GTF2IRD2: variants seen among roughly 807,000 people sequenced by gnomAD.
The protein encoded by GTF2IRD2 is general transcription factor II-I repeat domain-containing protein 2A.
Under a neutral mutation model 49.2 loss-of-function variants are expected in GTF2IRD2, and 8 were observed. The observed-to-expected ratio is 0.16, with a 90% CI of 0.10 to 0.29. The LOEUF (loss-of-function observed/expected upper bound fraction) is 0.29, where lower values mean the gene tolerates loss of function less well. Among genes scored for constraint, GTF2IRD2 ranks in the 10% least tolerant of loss-of-function variants. The probability of loss-of-function intolerance (pLI) is 1.00; values close to 1 mark genes in which losing one functional copy is unlikely to be tolerated. For missense variants in GTF2IRD2, 130 were observed against 725.7 expected (o/e 0.18, Z 9.43); for synonymous variants, 47 against 289.7 (o/e 0.16, Z 8.51).
intron 6 of GTF2IRD2, chr7:74,822,118 C>G (rs1322879951): frequency 1.7e-5 from 5 of 293,192 alleles, no homozygotes; most frequent in African/African-American, 1.3e-4. Context: ...GCGATCTCCG[C>G]TCACTGCAAG....
At chr7:74,821,985 A>C in intron 6 of GTF2IRD2, 1 of 292,150 alleles carries the variant, frequency 3.4e-6, no homozygotes, top group Non-Finnish European at 6.6e-6. Context: ...CATGTGTGCC[A>C]CAATGGCTTG....
intron 1 of GTF2IRD2, among the ~76,000 whole-genome samples, chr7:74,841,708 T>C (rs1440135937): frequency 7.0e-6 from 1 of 143,596 alleles, no homozygotes; most frequent in Admixed American, 6.9e-5. Context: ...TCACATATTA[T>C]GTAATTCCAT....
At chr7:74,832,663 A>G in intron 3 of GTF2IRD2, 142 bp downstream of exon 3, 1 of 1,529,858 alleles carries the variant, frequency 6.5e-7, no homozygotes, top group Non-Finnish European at 9.0e-7. Context: ...AGCAGTGTTT[A>G]TTTGGTAAGC....
At chr7:74,800,179 A>G (rs1255537544) in intron 15 of GTF2IRD2, among the ~76,000 whole-genome samples, 1 of 137,270 alleles carries the variant, frequency 7.3e-6, no homozygotes, top group Non-Finnish European at 1.6e-5. Flanking sequence ...ATAAAAATGG[A>G]GCATTTTAAT....
chr7:74,830,200 CAAA>C (rs782359912), intron 3 of GTF2IRD2, among the ~76,000 whole-genome samples: 1 of 16,540 alleles, frequency 6.0e-5, no homozygotes, highest in Non-Finnish European at 1.7e-4. Flanking sequence ...AACCCTGTCT[CAAA>C]AAAAAAAAAA....
rs1447282269 is a variant in GTF2IRD2, at chr7:74,819,568, GGTTCA to G, written c.651_655del (p.Glu218HisfsTer23). 1.7e-6 allele frequency: 1 copy of G among 585,094 alleles called. No individual in the cohort carries two copies. The highest frequency in any genetic ancestry group is 3.0e-6 in the Non-Finnish European group (1 of 328,372). 36.2% of individuals were successfully genotyped at this position (585,094 alleles called of 1,614,324 possible). On this transcript the variant is annotated frameshift_variant, in exon 8 of 16. Coordinates refer to ENST00000451013, the MANE Select transcript of GTF2IRD2 (RefSeq NM_173537.5). LOFTEE classifies it high-confidence loss of function. ...TTGGTACCCACCAGAATCTTCCATG[GGTTCA>G]GTTTTCACATTGATGGGGCCGCAGC...
At chr7:74,830,200 C>CAAA (rs782359912) in intron 3 of GTF2IRD2, among the ~76,000 whole-genome samples, 51 of 16,438 alleles carry the variant, frequency 3.1e-3, no homozygotes, top group East Asian at 6.6e-3. Flanking sequence ...AACCCTGTCT[C>CAAA]AAAAAAAAAA....
chr7:74,806,297 GATTATT>G (rs587746220), intron 12 of GTF2IRD2, among the ~76,000 whole-genome samples: 2 of 135,232 alleles, frequency 1.5e-5, no homozygotes, highest in African/African-American at 5.4e-5. Flanking sequence ...CAGAAAAGAA[GATTATT>G]ATTATTATTA....
At chr7:74,815,866 G>GAAAGAAAGAAAGAA (rs1328337117) in intron 8 of GTF2IRD2, among the ~76,000 whole-genome samples, 3 of 83,430 alleles carry the variant, frequency 3.6e-5, no homozygotes, top group African/African-American at 1.5e-4. Context: ...AAGAAAGAAA[G>GAAAGAAAGAAAGAA]AGAAAATAAA....
intron 1 of GTF2IRD2, among the ~76,000 whole-genome samples, chr7:74,842,110 T>C (rs1800885790): frequency 2.2e-5 from 1 of 44,666 alleles, no homozygotes; most frequent in Non-Finnish European, 3.8e-5. Context: ...GGCAACAGAG[T>C]GAGACTCCGT....
rs1246167998 is a variant in GTF2IRD2, at chr7:74,841,219, G to A, written c.-5-4836C>T. On this transcript the variant is annotated intron_variant, in intron 1 of 15. Coordinates refer to ENST00000451013, the MANE Select transcript of GTF2IRD2 (RefSeq NM_173537.5). ...GTCTCACTCTGTTGCCCAGGCTGGA[G>A]TGAAATGGCATGATCTTGGCTCACT... Among the ~76,000 whole-genome samples, 2 of 123,442 alleles carry A rather than the reference G, an allele frequency of 1.6e-5. 1 individual carries two copies. Among genetic ancestry groups the A allele is most frequent in the Non-Finnish European group, 3.2e-5 (2 of 61,862 alleles). The allele number at this position is 123,442 out of a possible 152,430, so 81.0% of individuals were successfully genotyped here.
At position 74,841,774 on chromosome 7, in the gene GTF2IRD2, T is replaced by C. The variant is rs1173444830; in HGVS notation, c.-5-5391A>G. 1.4e-5 allele frequency among the ~76,000 whole-genome samples: 2 copies of C among 143,238 alleles called. 1 individual carries two copies. The highest frequency in any genetic ancestry group is 5.6e-5 in the African/African-American group (2 of 35,842). 94.0% of individuals were successfully genotyped at this position (143,238 alleles called of 152,430 possible). On this transcript the variant is annotated intron_variant, in intron 1 of 15. Transcript: ENST00000451013. Reference sequence around the variant, plus strand: ...ATAGGAACTGAAAATAGATTAGTGGTTATTTCAGGTTGATAGCTAAAGGGT... The same window carrying C: ...ATAGGAACTGAAAATAGATTAGTGGCTATTTCAGGTTGATAGCTAAAGGGT...
intron 15 of GTF2IRD2, among the ~76,000 whole-genome samples, chr7:74,798,533 G>T (rs1361776893): frequency 6.6e-6 from 1 of 151,534 alleles, no homozygotes. Context: ...TGTTGAGACG[G>T]AGTTTTGCTC....
chr7:74,811,609 G>A (rs868959092), intron 9 of GTF2IRD2, among the ~76,000 whole-genome samples: 13 of 81,664 alleles, frequency 1.6e-4, no homozygotes, highest in Admixed American at 3.4e-4. Flanking sequence ...GTGCAGTGGT[G>A]TGATCACAGC....
In GTF2IRD2 at chr7:74,796,431, G is replaced by A. The variant is rs1207844149; in HGVS notation, c.*231C>T. ...ACAAAAATTAGCCAGGCATGGTGGCGCACGCCTGTAGTCCCAGCTGCTCGG... is the reference window on the plus strand; with the variant it reads ...ACAAAAATTAGCCAGGCATGGTGGCACACGCCTGTAGTCCCAGCTGCTCGG... On this transcript the variant is annotated 3_prime_UTR_variant, in exon 16 of 16. Coordinates refer to ENST00000451013, the MANE Select transcript of GTF2IRD2 (RefSeq NM_173537.5). The A allele has an allele frequency of 1.9e-5, 10 of 513,746 alleles. No individual in the cohort carries two copies. The highest frequency in any genetic ancestry group is 7.7e-5 in the African/African-American group (4 of 51,802). 31.8% of individuals were successfully genotyped at this position (513,746 alleles called of 1,614,324 possible).
intron 3 of GTF2IRD2, among the ~76,000 whole-genome samples, chr7:74,831,200 ATCTCTC>A (rs1177649282): frequency 7.0e-6 from 1 of 143,822 alleles, no homozygotes; most frequent in African/African-American, 2.5e-5. Flanking sequence ...CCCCTCTCTC[ATCTCTC>A]TCTCTCTCTC....
At chr7:74,819,075 C>T (rs587719972) in intron 8 of GTF2IRD2, 4 of 196,234 alleles carry the variant, frequency 2.0e-5, no homozygotes, top group South Asian at 8.4e-5. Context: ...CAGGCGCACA[C>T]GAACATGCCC....
At position 74,824,197 on chromosome 7, in the gene GTF2IRD2, G is replaced by A. The variant is rs1265712268; in HGVS notation, c.358+736C>T. On this transcript the variant is annotated intron_variant, in intron 4 of 15. Coordinates refer to ENST00000451013, the MANE Select transcript of GTF2IRD2 (RefSeq NM_173537.5). ...AAAAAAAGAACTGGTGGCCAGGCAC[G>A]GCGGCTCACACCTGTAATCTCAGCA... Among the ~76,000 whole-genome samples, 8 of 132,502 alleles carry A rather than the reference G, an allele frequency of 6.0e-5. No homozygotes were observed. In the South Asian group the frequency reaches 1.6e-3, roughly 26 times the overall value. The allele number at this position is 132,502 out of a possible 152,430, so 86.9% of individuals were successfully genotyped here. A position where few individuals can be genotyped will look rare whatever the true frequency, so the allele number is the denominator to read the frequency against.
intron 8 of GTF2IRD2, among the ~76,000 whole-genome samples, chr7:74,815,860 AAGAAAG>A (rs1231279371): frequency 7.2e-4 from 60 of 83,292 alleles, no homozygotes; most frequent in African/African-American, 2.0e-3. Flanking sequence ...GAAAGAAAGA[AAGAAAG>A]AGAAAATAAA....
Sources: allele counts gnomAD v4.1 joint callset (sites outside exome capture counted in the v4.1 genomes callset), GRCh38; gene constraint gnomAD v4.1.1; transcripts MANE v1.5; gene names NCBI Gene and HGNC (gene_info 2026-07-23, HGNC 2026-07-21).